EPHA3: variants seen among roughly 807,000 people sequenced by gnomAD.
The protein encoded by EPHA3 is ephrin type-A receptor 3.
Under a neutral mutation model 107.1 loss-of-function variants are expected in EPHA3, and 42 were observed. The observed-to-expected ratio is 0.39, with a 90% confidence interval of 0.31 to 0.51. EPHA3 has a LOEUF of 0.51. Ranked by LOEUF, EPHA3 falls within the 20% of genes least tolerant of loss-of-function variation. The pLI, the probability that EPHA3 is intolerant of heterozygous loss-of-function variation, is 0.78. For synonymous variants in EPHA3, 461 were observed against 424.8 expected, an observed-to-expected ratio of 1.09 and a Z score of -1.05; for missense variants, 1,183 against 1,211.2, an observed-to-expected ratio of 0.98 and a Z score of 0.35.
chr3:89,473,339 C>T (rs1220220603), intron 16 of EPHA3, among the ~76,000 whole-genome samples: 1 of 151,984 alleles, frequency 6.6e-6, no homozygotes, highest in East Asian at 1.9e-4. Flanking sequence ...CTTTGGGTAA[C>T]AGGAATCTTT....
chr3:89,294,886 A>G (rs547254082), intron 3 of EPHA3, among the ~76,000 whole-genome samples: 2 of 152,176 alleles, frequency 1.3e-5, no homozygotes, highest in South Asian at 2.1e-4. Context: ...TGTGAATTTT[A>G]TCTTTTGCAT....
At chr3:89,365,131 T>A (rs1576338111) in intron 5 of EPHA3, among the ~76,000 whole-genome samples, 1 of 151,008 alleles carries the variant, frequency 6.6e-6, no homozygotes, top group East Asian at 1.9e-4. Context: ...AGAATGATTA[T>A]TCTCTGTCTG....
intron 15 of EPHA3, among the ~76,000 whole-genome samples, chr3:89,468,309 T>C (rs992410227): frequency 9.9e-5 from 15 of 151,958 alleles, no homozygotes; most frequent in African/African-American, 3.4e-4. Flanking sequence ...ACAAACTCAG[T>C]TGGGGTCACT....
At chr3:89,424,135 T>C (rs1173729063) in intron 11 of EPHA3, among the ~76,000 whole-genome samples, 5 of 151,348 alleles carry the variant, frequency 3.3e-5, no homozygotes, top group Non-Finnish European at 5.9e-5. Context: ...TAAACAAAAA[T>C]TTAATAACAC....
chr3:89,206,087 G>C (rs376747134), intron 2 of EPHA3, among the ~76,000 whole-genome samples: 2 of 151,948 alleles, frequency 1.3e-5, no homozygotes, highest in Non-Finnish European at 2.9e-5. Context: ...TGTTGTTTTC[G>C]CAAGTGGTCT....
chr3:89,384,299 A>G (rs1708570350), intron 5 of EPHA3, among the ~76,000 whole-genome samples: 1 of 152,162 alleles, frequency 6.6e-6, no homozygotes, highest in Non-Finnish European at 1.5e-5. Flanking sequence ...GACTCGGGCT[A>G]TTAAAATTCC....
chr3:89,330,641 G>C (rs1162783369), intron 3 of EPHA3, among the ~76,000 whole-genome samples: 2 of 152,046 alleles, frequency 1.3e-5, no homozygotes, highest in Admixed American at 1.3e-4. Flanking sequence ...ATGCAATGAT[G>C]TCACCATTTT....
intron 5 of EPHA3, among the ~76,000 whole-genome samples, chr3:89,375,040 C>T (rs1195981821): frequency 6.6e-6 from 1 of 151,698 alleles, no homozygotes; most frequent in Non-Finnish European, 1.5e-5. Context: ...TTTGAGGCAT[C>T]GACGTTGCTG....
intron 2 of EPHA3, among the ~76,000 whole-genome samples, chr3:89,178,513 G>T (rs1479747288): frequency 6.6e-6 from 1 of 151,946 alleles, no homozygotes; most frequent in Non-Finnish European, 1.5e-5. Flanking sequence ...TGAATTTTTA[G>T]TCCTTGGGGA....
chr3:89,386,483 C>T (rs1367646970), intron 5 of EPHA3, among the ~76,000 whole-genome samples: 2 of 152,204 alleles, frequency 1.3e-5, no homozygotes, highest in African/African-American at 4.8e-5. Context: ...TGCAGGTGCA[C>T]TGAGGTTTGG....
At chr3:89,187,382 AT>A (rs1705592907) in intron 2 of EPHA3, among the ~76,000 whole-genome samples, 1 of 148,906 alleles carries the variant, frequency 6.7e-6, no homozygotes. Flanking sequence ...ATATCTATGC[AT>A]TTAATACATA....
intron 5 of EPHA3, among the ~76,000 whole-genome samples, chr3:89,355,646 G>C (rs1206920958): frequency 1.3e-5 from 2 of 150,668 alleles, no homozygotes; most frequent in African/African-American, 4.8e-5. Flanking sequence ...TTGATTATTG[G>C]TACAGTAAGT....
chr3:89,436,358 C>A (rs1709670083), intron 13 of EPHA3, among the ~76,000 whole-genome samples: 1 of 152,126 alleles, frequency 6.6e-6, no homozygotes, highest in South Asian at 2.1e-4. Flanking sequence ...CCTGGTTAAT[C>A]TGCATTAAAA....
At chr3:89,446,891 C>T (rs1488524968) in intron 13 of EPHA3, among the ~76,000 whole-genome samples, 1 of 152,062 alleles carries the variant, frequency 6.6e-6, no homozygotes, top group Non-Finnish European at 1.5e-5. Context: ...TGACAAGTGT[C>T]TATAACAGAC....
intron 2 of EPHA3, among the ~76,000 whole-genome samples, chr3:89,133,510 C>G (rs567364039): frequency 6.6e-6 from 1 of 152,272 alleles, no homozygotes; most frequent in South Asian, 2.1e-4. Flanking sequence ...AAAGCATTTT[C>G]TGCATCCTGC....
At chr3:89,373,376 T>C (rs1348537666) in intron 5 of EPHA3, among the ~76,000 whole-genome samples, 1 of 151,928 alleles carries the variant, frequency 6.6e-6, no homozygotes, top group Non-Finnish European at 1.5e-5. Flanking sequence ...TTCTTATTTA[T>C]GTAGGCTTTA....
At chr3:89,344,259 C>T (rs1707593521) in intron 5 of EPHA3, among the ~76,000 whole-genome samples, 1 of 152,032 alleles carries the variant, frequency 6.6e-6, no homozygotes, top group South Asian at 2.1e-4. Flanking sequence ...TGAATCTAGG[C>T]AAAGTGGCAA....
At chr3:89,139,999 G>C (rs1245345673) in intron 2 of EPHA3, among the ~76,000 whole-genome samples, 1 of 151,794 alleles carries the variant, frequency 6.6e-6, no homozygotes, top group South Asian at 2.1e-4. Context: ...GGTGAAAAAT[G>C]CTGATCTTTC....
At chr3:89,317,555 C>T (rs1706938131) in intron 3 of EPHA3, among the ~76,000 whole-genome samples, 1 of 151,782 alleles carries the variant, frequency 6.6e-6, no homozygotes, top group Non-Finnish European at 1.5e-5. Context: ...TAAGCTGTAT[C>T]TTGCCATATA....
Sources: gnomAD v4.1 joint callset for allele counts (sites outside exome capture counted in the v4.1 genomes callset) on GRCh38, gnomAD v4.1.1 for gene constraint, MANE v1.5 for transcripts, NCBI Gene and HGNC (gene_info 2026-07-23, HGNC 2026-07-21) for gene names.